The following GRIA1 variants were observed in gnomAD, a reference collection of about 807,000 sequenced individuals.
The protein encoded by GRIA1 is glutamate receptor 1.
A neutral mutation model predicts 99.2 loss-of-function variants in GRIA1; 31 were observed. That is an observed-to-expected ratio of 0.31 (90% confidence interval 0.23 to 0.42). The LOEUF (loss-of-function observed/expected upper bound fraction) is 0.42, where lower values mean the gene tolerates loss of function less well. Among genes scored for constraint, GRIA1 ranks in the 10% least tolerant of loss-of-function variants. GRIA1 has a pLI of 1.00. For missense variants in GRIA1, 782 were observed against 1,157.5 expected (o/e 0.68, Z 4.71); for synonymous variants, 438 against 432.4 (o/e 1.01, Z -0.16).
intron 2 of GRIA1, among the ~76,000 whole-genome samples, chr5:153,603,493 C>T (rs926883499): frequency 4.0e-5 from 6 of 151,810 alleles, no homozygotes; most frequent in Non-Finnish European, 8.8e-5. Context: ...CCTGAGGAAT[C>T]GCCACATGTG....
At chr5:153,729,659 G>A (rs1760867733) in intron 11 of GRIA1, among the ~76,000 whole-genome samples, 1 of 151,992 alleles carries the variant, frequency 6.6e-6, no homozygotes, top group Non-Finnish European at 1.5e-5. Context: ...TTCCACCCCT[G>A]TTTATACTGA....
intron 11 of GRIA1, 194 bp downstream of exon 11, chr5:153,706,261 T>C (rs574232549): frequency 4.9e-6 from 3 of 609,716 alleles, no homozygotes; most frequent in South Asian, 3.9e-5. Flanking sequence ...AGCTGGGCCA[T>C]CTCTGTCTGC....
intron 15 of GRIA1, among the ~76,000 whole-genome samples, chr5:153,806,344 C>T (rs1266659887): frequency 6.6e-6 from 1 of 152,180 alleles, no homozygotes; most frequent in Non-Finnish European, 1.5e-5. Flanking sequence ...CGGCTCACTG[C>T]AACCTCTGCC....
intron 11 of GRIA1, among the ~76,000 whole-genome samples, chr5:153,741,004 T>A (rs1761745094): frequency 7.4e-6 from 1 of 135,450 alleles, no homozygotes; most frequent in Non-Finnish European, 1.5e-5. Flanking sequence ...GATGATGGAG[T>A]CTCACTCTGT....
intron 2 of GRIA1, among the ~76,000 whole-genome samples, chr5:153,631,267 T>C (rs1208946779): frequency 6.6e-6 from 1 of 152,146 alleles, no homozygotes; most frequent in East Asian, 1.9e-4. Context: ...TTCTCCACAC[T>C]CTCTCTAAAG....
chr5:153,543,459 A>T (rs1759321205), intron 2 of GRIA1, among the ~76,000 whole-genome samples: 1 of 152,162 alleles, frequency 6.6e-6, no homozygotes, highest in Non-Finnish European at 1.5e-5. Flanking sequence ...GAGGTTTCAG[A>T]AGTTGAGTAA....
chr5:153,748,388 CAAG>C (rs1762294980), intron 11 of GRIA1, among the ~76,000 whole-genome samples: 1 of 152,068 alleles, frequency 6.6e-6, no homozygotes, highest in Non-Finnish European at 1.5e-5. Flanking sequence ...TTTCTAGAAA[CAAG>C]AAGATCAAAG....
intron 13 of GRIA1, among the ~76,000 whole-genome samples, chr5:153,793,636 C>G (rs1765455139): frequency 6.6e-6 from 1 of 152,190 alleles, no homozygotes; most frequent in South Asian, 2.1e-4. Flanking sequence ...TTATAAGTCA[C>G]ACTTGAACAG....
At chr5:153,672,139 T>A (rs1756231283) in intron 5 of GRIA1, among the ~76,000 whole-genome samples, 1 of 152,142 alleles carries the variant, frequency 6.6e-6, no homozygotes, top group Non-Finnish European at 1.5e-5. Flanking sequence ...AGGAGAACAG[T>A]CCCTGAGGGG....
intron 13 of GRIA1, among the ~76,000 whole-genome samples, chr5:153,780,563 A>G (rs1388917993): frequency 6.6e-6 from 1 of 152,274 alleles, no homozygotes; most frequent in East Asian, 1.9e-4. Flanking sequence ...CAAAGTGTTT[A>G]GCACAGTGCC....
At chr5:153,797,529 C>T (rs1765724956) in intron 14 of GRIA1, among the ~76,000 whole-genome samples, 1 of 152,236 alleles carries the variant, frequency 6.6e-6, no homozygotes, top group Non-Finnish European at 1.5e-5. Context: ...AGTCCAAGCA[C>T]ATATTCAACT....
chr5:153,617,991 T>A (rs1766674156), intron 2 of GRIA1, among the ~76,000 whole-genome samples: 1 of 152,216 alleles, frequency 6.6e-6, no homozygotes, highest in Admixed American at 6.5e-5. Context: ...CATTAAAAGA[T>A]CCTGGATTTA....
rs142312803 is a variant in GRIA1, at chr5:153,639,057, G to A, written c.221-7871G>A. Among the ~76,000 whole-genome samples, 400 of 152,300 alleles carry A rather than the reference G, an allele frequency of 2.6e-3. 2 individuals are homozygous for A. Among genetic ancestry groups the A allele is most frequent in the African/African-American group, 9.1e-3 (380 of 41,558 alleles). On this transcript the variant is annotated intron_variant, in intron 2 of 15. Transcript: ENST00000285900. The stretch of plus-strand genomic sequence containing the variant: ...TGTGCTGGAACTCAGTGAACTCACT[G>A]AGCATCCCATGTCTGTCGTGCCATT...
intron 11 of GRIA1, among the ~76,000 whole-genome samples, chr5:153,737,870 C>T (rs1032350145): frequency 2.0e-5 from 3 of 152,138 alleles, no homozygotes; most frequent in Non-Finnish European, 4.4e-5. Context: ...ATACCAGGTA[C>T]CTCGCCTCCT....
chr5:153,538,686 C>A (rs561913071), intron 2 of GRIA1, among the ~76,000 whole-genome samples: 1 of 152,250 alleles, frequency 6.6e-6, no homozygotes, highest in African/African-American at 2.4e-5. Context: ...CACTGCACAG[C>A]CACCCACCCA....
intron 2 of GRIA1, among the ~76,000 whole-genome samples, chr5:153,567,794 G>A (rs1211411183): frequency 6.6e-6 from 1 of 152,144 alleles, no homozygotes; most frequent in Non-Finnish European, 1.5e-5. Flanking sequence ...ATAGAAACAA[G>A]GCTTTAGAGT....
chr5:153,777,965 T>C (rs2926852), intron 13 of GRIA1, among the ~76,000 whole-genome samples: 93,332 of 152,014 alleles, frequency 0.61, 29,607 homozygotes, highest in East Asian at 0.94. Flanking sequence ...ATGGTAACCC[T>C]ATGAACTCTG....
At chr5:153,551,725 T>C (rs1760161448) in intron 2 of GRIA1, among the ~76,000 whole-genome samples, 1 of 152,158 alleles carries the variant, frequency 6.6e-6, no homozygotes, top group African/African-American at 2.4e-5. Flanking sequence ...CACTATGCTT[T>C]CATAGCCCAT....
chr5:153,704,941 G>A (rs1010725689), intron 10 of GRIA1, among the ~76,000 whole-genome samples: 4 of 152,176 alleles, frequency 2.6e-5, no homozygotes, highest in African/African-American at 9.7e-5. Context: ...CTTTCAGCCT[G>A]CAGATTGCAC....
Sources: gnomAD v4.1 joint callset for allele counts (sites outside exome capture counted in the v4.1 genomes callset) on GRCh38, gnomAD v4.1.1 for gene constraint, MANE v1.5 for transcripts, NCBI Gene and HGNC (gene_info 2026-07-23, HGNC 2026-07-21) for gene names.